KAT6A: variants seen among roughly 807,000 people sequenced by gnomAD.
KAT6A encodes lysine acetyltransferase 6A.
In KAT6A, 9 loss-of-function variants were observed where a neutral mutation model predicts 198.4. That is an observed-to-expected ratio of 0.05 (90% CI 0.03 to 0.08). The LOEUF (loss-of-function observed/expected upper bound fraction) is 0.08, where lower values mean the gene tolerates loss of function less well. Among genes scored for constraint, KAT6A ranks in the 10% least tolerant of loss-of-function variants. The pLI, the probability that KAT6A is intolerant of heterozygous loss-of-function variation, is 1.00. For missense variants in KAT6A, 2,077 were observed against 2,509.9 expected, an observed-to-expected ratio of 0.83 and a Z score of 3.69; for synonymous variants, 890 against 883.0, an observed-to-expected ratio of 1.01 and a Z score of -0.14.
chr8:41,992,961 T>C (rs1267693906), intron 2 of KAT6A, among the ~76,000 whole-genome samples: 4 of 152,150 alleles, frequency 2.6e-5, no homozygotes, highest in South Asian at 4.1e-4. Flanking sequence ...TCTTCAAACA[T>C]GTGTCTTTAT....
intron 8 of KAT6A, among the ~76,000 whole-genome samples, chr8:41,962,607 C>T (rs1422952392): frequency 5.0e-5 from 6 of 120,858 alleles, no homozygotes; most frequent in African/African-American, 9.5e-5. Context: ...TACTGCCCCC[C>T]GCCCCCTCAA....
chr8:42,027,697 G>A (rs1286398447), intron 2 of KAT6A, among the ~76,000 whole-genome samples: 4 of 151,662 alleles, frequency 2.6e-5, no homozygotes, highest in Non-Finnish European at 4.4e-5. Context: ...GGTTTGCCTC[G>A]CTAGCAGTTT....
At position 41,971,418 on chromosome 8, in the gene KAT6A, C is replaced by T. The variant is rs1028927099; in HGVS notation, c.1482+3286G>A. The stretch of plus-strand genomic sequence containing the variant: ...CTAAATGGAATGGGCAGTGAACCTA[C>T]TAAATCATCGACTCTAGAGGAAGGG... On this transcript the variant is annotated intron_variant, in intron 8 of 16. Coordinates refer to ENST00000265713, the MANE Select transcript of KAT6A (RefSeq NM_006766.5). Among the ~76,000 whole-genome samples the T allele has an allele frequency of 2.6e-5, 4 of 151,908 alleles. 1 individual carries two copies. The highest frequency in any genetic ancestry group is 1.9e-4 in the East Asian group (1 of 5,154).
intron 2 of KAT6A, among the ~76,000 whole-genome samples, chr8:42,019,177 AATG>A (rs1826411265): frequency 6.6e-6 from 1 of 152,196 alleles, no homozygotes; most frequent in East Asian, 1.9e-4. Flanking sequence ...TCTACAACTA[AATG>A]ATATTTTTAC....
At chr8:41,987,601 TTTTA>T (rs1824687377) in intron 2 of KAT6A, 38 bp from the exon 3 acceptor site, 1 of 1,142,368 alleles carries the variant, frequency 8.8e-7, no homozygotes, top group East Asian at 2.3e-5. Flanking sequence ...GTACTAATAC[TTTTA>T]TTTAGTATTA....
chr8:42,041,661 C>A (rs889571308), intron 2 of KAT6A, among the ~76,000 whole-genome samples: 2 of 151,940 alleles, frequency 1.3e-5, no homozygotes, highest in Non-Finnish European at 2.9e-5. Flanking sequence ...TTGCTTCAAC[C>A]TGGAAGGCGG....
At chr8:41,992,329 A>G (rs1362894465) in intron 2 of KAT6A, among the ~76,000 whole-genome samples, 1 of 152,242 alleles carries the variant, frequency 6.6e-6, no homozygotes, top group East Asian at 1.9e-4. Flanking sequence ...ACTGCCATGA[A>G]CGGACAGAGA....
At chr8:41,998,172 G>A (rs189439699) in intron 2 of KAT6A, among the ~76,000 whole-genome samples, 16 of 152,086 alleles carry the variant, frequency 1.1e-4, no homozygotes, top group Admixed American at 1.0e-3. Context: ...ACTTATAAAT[G>A]TCAGTCAATT....
intron 2 of KAT6A, among the ~76,000 whole-genome samples, chr8:42,001,487 ACTGT>A (rs1195729584): frequency 2.6e-5 from 4 of 152,318 alleles, no homozygotes; most frequent in South Asian, 2.1e-4. Context: ...TTTTCAAAAA[ACTGT>A]CTAAGACTAC....
chr8:41,958,907 C>T (rs1206101321), intron 8 of KAT6A, among the ~76,000 whole-genome samples: 1 of 152,152 alleles, frequency 6.6e-6, no homozygotes, highest in African/African-American at 2.4e-5. Flanking sequence ...CGCCTGTAAT[C>T]CCAGCACTCT....
rs547082201 is a variant in KAT6A at position 42,030,361 on chromosome 8, T to C, written c.600+18017A>G. Reference sequence around the variant, plus strand: ...ATCCCAGCCAGGCCAGCTGTTCACTTCCCTCTCTTCCTGTGCCTCAGAGGT... The same window carrying C: ...ATCCCAGCCAGGCCAGCTGTTCACTCCCCTCTCTTCCTGTGCCTCAGAGGT... On this transcript the variant is annotated intron_variant, in intron 2 of 16. Transcript: ENST00000265713. Among the ~76,000 whole-genome samples, 4 of 152,264 alleles carry C rather than the reference T, an allele frequency of 2.6e-5. No individual in the cohort carries two copies. The South Asian group carries it at 8.3e-4, about 32-fold the overall frequency.
chr8:42,013,954 CAA>C (rs1419560114), intron 2 of KAT6A, among the ~76,000 whole-genome samples: 1 of 152,174 alleles, frequency 6.6e-6, no homozygotes, highest in Non-Finnish European at 1.5e-5. Context: ...TAAAACCACT[CAA>C]GTCTGCCGCG....
chr8:41,947,483 C>G lies in KAT6A; in HGVS notation c.1902+268G>C, dbSNP rs73628539. On this transcript the variant is annotated intron_variant, in intron 11 of 16. Transcript: ENST00000265713. ...TAATGACTGTTTATTTCAGAAGTTC[C>G]ATGTTATTACCATGGGAAGAGAAGC... Among the ~76,000 whole-genome samples, 4,333 of 152,256 alleles carry G rather than the reference C, an allele frequency of 0.028. 190 individuals are homozygous for G. Among genetic ancestry groups the G allele is most frequent in the African/African-American group, 0.097 (4,035 of 41,550 alleles).
chr8:41,988,414 C>T (rs2150894041), intron 2 of KAT6A, among the ~76,000 whole-genome samples: 2 of 152,236 alleles, frequency 1.3e-5, no homozygotes. Flanking sequence ...ATCAATTATA[C>T]CTAAATACAG....
At chr8:42,040,502 G>A (rs1827602230) in intron 2 of KAT6A, among the ~76,000 whole-genome samples, 1 of 151,362 alleles carries the variant, frequency 6.6e-6, no homozygotes, top group South Asian at 2.1e-4. Context: ...GGGAGGCCAA[G>A]GCGGGTGGAT....
chr8:41,980,989 A>G (rs1315169531), intron 4 of KAT6A, 62 bp from the exon 5 acceptor site: 1 of 1,098,428 alleles, frequency 9.1e-7, no homozygotes, highest in African/African-American at 1.5e-5. Flanking sequence ...TGTTACGATC[A>G]TGACTGCATA....
intron 2 of KAT6A, among the ~76,000 whole-genome samples, chr8:42,027,697 G>C (rs1286398447): frequency 1.3e-5 from 2 of 151,662 alleles, no homozygotes; most frequent in African/African-American, 4.8e-5. Flanking sequence ...GGTTTGCCTC[G>C]CTAGCAGTTT....
At chr8:41,943,394 A>T (rs1054079050) in intron 13 of KAT6A, among the ~76,000 whole-genome samples, 1 of 152,136 alleles carries the variant, frequency 6.6e-6, no homozygotes, top group Non-Finnish European at 1.5e-5. Context: ...ACTTTGTGCC[A>T]TTTATATGAA....
intron 14 of KAT6A, among the ~76,000 whole-genome samples, chr8:41,941,702 G>GA (rs942616963): frequency 2.6e-5 from 4 of 152,136 alleles, no homozygotes; most frequent in African/African-American, 4.8e-5. Flanking sequence ...ATGTGGGGTA[G>GA]AAAAAAATTT....
Sources: gnomAD v4.1 joint callset for allele counts (sites outside exome capture counted in the v4.1 genomes callset) on GRCh38, gnomAD v4.1.1 for gene constraint, MANE v1.5 for transcripts, NCBI Gene and HGNC (gene_info 2026-07-23, HGNC 2026-07-21) for gene names.